CWC27: variants seen among roughly 807,000 people sequenced by gnomAD.
CWC27 encodes spliceosome-associated protein CWC27 homolog.
CWC27 carries 47 observed loss-of-function variants against 63.6 expected under a neutral mutation model. The ratio of observed to expected loss-of-function variants is 0.74; its 90% confidence interval spans 0.58 to 0.94. CWC27 has a LOEUF of 0.94. CWC27 is among the 40% of genes least tolerant of loss of function. The pLI, the probability that CWC27 is intolerant of heterozygous loss-of-function variation, is 0.00. For synonymous variants in CWC27, 175 were observed against 179.8 expected, an observed-to-expected ratio of 0.97 and a Z score of 0.22; for missense variants, 495 against 554.3, an observed-to-expected ratio of 0.89 and a Z score of 1.07.
intron 13 of CWC27, among the ~76,000 whole-genome samples, chr5:64,995,569 GT>G (rs562855834): frequency 3.1e-4 from 46 of 149,206 alleles, no homozygotes; most frequent in African/African-American, 1.1e-3. Flanking sequence ...TTGTTATCAT[GT>G]TTTTTTTTCT....
intron 13 of CWC27, among the ~76,000 whole-genome samples, chr5:64,992,622 C>T (rs1389728881): frequency 6.6e-6 from 1 of 151,898 alleles, no homozygotes; most frequent in Non-Finnish European, 1.5e-5. Flanking sequence ...AGCTCCGCCT[C>T]CTGGGTTCAC....
At chr5:64,774,641 G>T in intron 1 of CWC27, 50 bp from the exon 2 acceptor site, 2 of 1,111,874 alleles carry the variant, frequency 1.8e-6, no homozygotes, top group East Asian at 2.7e-5. Flanking sequence ...TTATTCAACT[G>T]ATTATTAAGC....
At chr5:64,833,530 C>G (rs144570823) in intron 10 of CWC27, among the ~76,000 whole-genome samples, 2,090 of 151,788 alleles carry the variant, frequency 0.014, 27 homozygotes, top group African/African-American at 0.038. Context: ...TTGTTTTGCA[C>G]TTCAGTGTTA....
intron 13 of CWC27, among the ~76,000 whole-genome samples, chr5:65,012,226 A>G (rs1365722984): frequency 6.6e-6 from 1 of 152,180 alleles, no homozygotes; most frequent in Non-Finnish European, 1.5e-5. Flanking sequence ...TCTTTACAGG[A>G]TGAAAGTTTT....
chr5:65,005,067 T>C (rs148033506), intron 13 of CWC27, among the ~76,000 whole-genome samples: 1 of 151,700 alleles, frequency 6.6e-6, no homozygotes, highest in African/African-American at 2.4e-5. Flanking sequence ...CACTTGTTAG[T>C]GTAGGCTGTG....
At chr5:64,815,269 A>G (rs1744994479) in intron 10 of CWC27, among the ~76,000 whole-genome samples, 1 of 152,162 alleles carries the variant, frequency 6.6e-6, no homozygotes, top group Non-Finnish European at 1.5e-5. Flanking sequence ...TGCTCTGGCT[A>G]CATCCTGATG....
chr5:65,011,428 T>C (rs1450872171), intron 13 of CWC27, among the ~76,000 whole-genome samples: 1 of 152,172 alleles, frequency 6.6e-6, no homozygotes, highest in African/African-American at 2.4e-5. Context: ...AAGATGGAGA[T>C]AACACTCAGC....
chr5:64,781,164 A>G (rs1743675286), intron 2 of CWC27, among the ~76,000 whole-genome samples: 1 of 152,142 alleles, frequency 6.6e-6, no homozygotes, highest in African/African-American at 2.4e-5. Flanking sequence ...TCTCTCCTGT[A>G]TATTTATGAG....
intron 11 of CWC27, among the ~76,000 whole-genome samples, chr5:64,947,138 C>T (rs1394505613): frequency 6.6e-6 from 1 of 152,122 alleles, no homozygotes; most frequent in Non-Finnish European, 1.5e-5. Flanking sequence ...TATCGTCTTA[C>T]TGCTGCTTCC....
intron 10 of CWC27, among the ~76,000 whole-genome samples, chr5:64,875,150 AAG>A (rs1746767129): frequency 6.6e-6 from 1 of 152,152 alleles, no homozygotes; most frequent in African/African-American, 2.4e-5. Context: ...TTTTGAAAAA[AAG>A]AATAAAATTT....
intron 11 of CWC27, among the ~76,000 whole-genome samples, chr5:64,962,517 A>G (rs1259797849): frequency 6.6e-6 from 1 of 152,174 alleles, no homozygotes; most frequent in African/African-American, 2.4e-5. Flanking sequence ...AAATCTGTCT[A>G]CCTGGTCAGG....
intron 11 of CWC27, among the ~76,000 whole-genome samples, chr5:64,927,732 G>A (rs1580731164): frequency 6.6e-6 from 1 of 152,092 alleles, no homozygotes; most frequent in African/African-American, 2.4e-5. Context: ...GTGCTCCCTT[G>A]CAAACTCTGC....
rs911893076 is a variant in CWC27, at chr5:64,825,028, G to A, written c.938+20642G>A. Among the ~76,000 whole-genome samples, 5 of 151,990 alleles carry A rather than the reference G, an allele frequency of 3.3e-5. 1 individual carries two copies. In the South Asian group the frequency reaches 6.2e-4, roughly 19 times the overall value. On this transcript the variant is annotated intron_variant, in intron 10 of 13. Coordinates refer to ENST00000381070, the MANE Select transcript of CWC27 (RefSeq NM_005869.4). ...ATTACAGACATGAGCCACCGCACCC[G>A]GCCAGTAAGTGTTCTTTTCTAATTC...
chr5:64,839,642 T>A (rs560291219), intron 10 of CWC27, among the ~76,000 whole-genome samples: 74 of 152,194 alleles, frequency 4.9e-4, no homozygotes, highest in African/African-American at 1.8e-3. Flanking sequence ...AATAGAAGTG[T>A]TGGGCTGGAA....
At chr5:64,985,016 A>G (rs1749399347) in intron 13 of CWC27, among the ~76,000 whole-genome samples, 1 of 152,168 alleles carries the variant, frequency 6.6e-6, no homozygotes. Context: ...ATGGATGTCC[A>G]ATTATTCCAG....
At chr5:64,851,299 C>T (rs1171213528) in intron 10 of CWC27, among the ~76,000 whole-genome samples, 1 of 151,802 alleles carries the variant, frequency 6.6e-6, no homozygotes, top group African/African-American at 2.4e-5. Flanking sequence ...AAGCCAGGCA[C>T]AGAAAGACAA....
intron 13 of CWC27, among the ~76,000 whole-genome samples, chr5:65,005,083 G>C (rs1215781155): frequency 6.6e-6 from 1 of 151,498 alleles, no homozygotes; most frequent in Non-Finnish European, 1.5e-5. Context: ...CTGTGGTGAG[G>C]CTTCTTTGGG....
rs189109756 is a variant in CWC27, at chr5:64,906,460, A to G, written c.1042+20914A>G. On this transcript the variant is annotated intron_variant, in intron 11 of 13. Transcript: ENST00000381070. ...TTTTCACGTGTCTGTTGGCTGCACA[A>G]ATGTCTTCTTTTGAGAAGTGTCTGT... 2.9e-3 allele frequency among the ~76,000 whole-genome samples: 447 copies of G among 152,266 alleles called. 2 individuals are homozygous for G. The highest frequency in any genetic ancestry group is 0.012 in the Admixed American group (179 of 15,292).
intron 10 of CWC27, among the ~76,000 whole-genome samples, chr5:64,857,743 T>A (rs1746289231): frequency 6.6e-6 from 1 of 152,160 alleles, no homozygotes; most frequent in African/African-American, 2.4e-5. Flanking sequence ...TTATTAGAAT[T>A]GTGATTGTGT....
Sources: allele counts gnomAD v4.1 joint callset (sites outside exome capture counted in the v4.1 genomes callset), GRCh38; gene constraint gnomAD v4.1.1; transcripts MANE v1.5; gene names NCBI Gene and HGNC (gene_info 2026-07-23, HGNC 2026-07-21).